SLC33A2: variants seen among roughly 807,000 people sequenced by gnomAD.
SLC33A2 encodes major facilitator superfamily domain containing 3.
the SLC33A2 span, chr8:144,510,499 C>G: frequency 6.2e-7 from 1 of 1,612,638 alleles, no homozygotes; most frequent in East Asian, 2.2e-5. Flanking sequence ...CCTTGCTGGC[C>G]AAGCACTGGT....
At chr8:144,509,255 C>G in the SLC33A2 span, 1 of 1,371,330 alleles carries the variant, frequency 7.3e-7, no homozygotes, top group South Asian at 1.6e-5. Flanking sequence ...TGGCCTCTGA[C>G]CCCACGCGGA....
At chr8:144,510,395 C>T in the SLC33A2 span, 78 of 1,612,464 alleles carry the variant, frequency 4.8e-5, no homozygotes, top group Non-Finnish European at 5.1e-6. Flanking sequence ...TCCTCTTCTC[C>T]TGCTGGACCA....
At chr8:144,510,861 TG>T in the SLC33A2 span, 1 of 1,609,800 alleles carries the variant, frequency 6.2e-7, no homozygotes. Flanking sequence ...TCACCTTCAC[TG>T]GGATGATGCG....
the SLC33A2 span, chr8:144,509,763 AAGCTGGGGGCCGCGCT>A: frequency 2.2e-5 from 35 of 1,562,014 alleles, 1 homozygote; most frequent in Admixed American, 3.7e-4. Flanking sequence ...GGTCGCGTAC[AAGCTGGGGGCCGCGCT>A]AGCTGGGGGC....
At chr8:144,510,682 C>CAGGGT in the SLC33A2 span, 1 of 1,561,298 alleles carries the variant, frequency 6.4e-7, no homozygotes, top group East Asian at 2.3e-5. Flanking sequence ...TCCACCTGGA[C>CAGGGT]ACCCTGGGGG....
At chr8:144,510,053 C>T in the SLC33A2 span, 8 of 1,569,846 alleles carry the variant, frequency 5.1e-6, no homozygotes, top group South Asian at 6.9e-5. Flanking sequence ...GCAGTTGGGG[C>T]TTCCGGGACA....
the SLC33A2 span, chr8:144,509,084 G>C: frequency 4.6e-6 from 2 of 433,100 alleles, no homozygotes; most frequent in Admixed American, 8.8e-5. Flanking sequence ...AGCATGCCGG[G>C]AGCCGCCGGC....
the SLC33A2 span, chr8:144,509,112 C>A: frequency 2.2e-6 from 1 of 464,924 alleles, no homozygotes; most frequent in African/African-American, 2.0e-5. Flanking sequence ...GTCCGGACCG[C>A]TCGCCCCCGT....
At chr8:144,509,537 C>G in the SLC33A2 span, 2 of 1,522,932 alleles carry the variant, frequency 1.3e-6, no homozygotes, top group Non-Finnish European at 1.8e-6. Flanking sequence ...CGGCGAGGGC[C>G]TGGGTGACGC....
the SLC33A2 span, chr8:144,510,526 A>G: frequency 6.2e-7 from 1 of 1,611,810 alleles, no homozygotes; most frequent in Non-Finnish European, 8.5e-7. Flanking sequence ...TCCCCAGTGT[A>G]CCCTGCCCAC....
the SLC33A2 span, chr8:144,509,253 G>C: frequency 7.3e-7 from 1 of 1,366,944 alleles, no homozygotes; most frequent in Non-Finnish European, 9.5e-7. Flanking sequence ...TGTGGCCTCT[G>C]ACCCCACGCG....
chr8:144,510,467 G>C, the SLC33A2 span: 1 of 1,612,734 alleles, frequency 6.2e-7, no homozygotes, highest in Non-Finnish European at 8.5e-7. Flanking sequence ...CTGCTCCATC[G>C]CTGGCTCCTC....
the SLC33A2 span, chr8:144,510,220 G>C: frequency 2.9e-6 from 4 of 1,394,898 alleles, no homozygotes; most frequent in Middle Eastern, 2.5e-4. Context: ...GCGCTCTCTC[G>C]GGCTGCCCCA....
the SLC33A2 span, chr8:144,510,613 G>A: frequency 9.5e-6 from 15 of 1,578,726 alleles, no homozygotes; most frequent in Non-Finnish European, 1.2e-5. Context: ...TGCTGCCTCT[G>A]TTGAGGTCGG....
the SLC33A2 span, chr8:144,510,785 C>T: frequency 6.2e-7 from 1 of 1,611,178 alleles, no homozygotes; most frequent in Non-Finnish European, 8.5e-7. Context: ...CTGACTTCTG[C>T]CCTCCCAGGG....
the SLC33A2 span, chr8:144,510,092 A>G: frequency 6.7e-7 from 1 of 1,489,816 alleles, no homozygotes; most frequent in Non-Finnish European, 9.0e-7. Flanking sequence ...GGGGCTTGCA[A>G]CCCATTACAG....
chr8:144,509,892 C>T, the SLC33A2 span: 2 of 1,548,930 alleles, frequency 1.3e-6, no homozygotes, highest in Non-Finnish European at 1.7e-6. Context: ...TGCACCAGCC[C>T]TGCGGCGGCT....
chr8:144,510,775 C>T, the SLC33A2 span: 2 of 1,610,810 alleles, frequency 1.2e-6, no homozygotes, highest in Non-Finnish European at 8.5e-7. Flanking sequence ...TGGGGCACTG[C>T]TGACTTCTGC....
chr8:144,510,673 C>T, the SLC33A2 span: 8,880 of 1,559,744 alleles, frequency 5.7e-3, 41 homozygotes, highest in Non-Finnish European at 7.2e-3. Context: ...CCTTGGTCTT[C>T]CACCTGGACA....
Sources: allele counts gnomAD v4.1 joint callset, GRCh38; gene constraint gnomAD v4.1.1; transcripts MANE v1.5; gene names NCBI Gene and HGNC (gene_info 2026-07-23, HGNC 2026-07-21).